Variants in EIPR1 observed in about 807,000 individuals in gnomAD.
EIPR1 encodes the protein EARP complex and GARP complex interacting protein 1.
Under a neutral mutation model 48.1 loss-of-function variants are expected in EIPR1, and 25 were observed. The ratio of observed to expected loss-of-function variants is 0.52; its 90% CI spans 0.38 to 0.73. EIPR1 has a LOEUF of 0.73. Among genes scored for constraint, EIPR1 ranks in the 30% least tolerant of loss-of-function variants. The pLI, the probability that EIPR1 is intolerant of heterozygous loss-of-function variation, is 0.00. For missense variants in EIPR1, 415 were observed against 506.2 expected (o/e 0.82, Z 1.73); for synonymous variants, 204 against 201.9 (o/e 1.01, Z -0.09).
At chr2:3,281,184 CCACTCAACAA>C (rs1460002416) in intron 3 of EIPR1, among the ~76,000 whole-genome samples, 1 of 152,030 alleles carries the variant, frequency 6.6e-6, no homozygotes, top group Non-Finnish European at 1.5e-5. Flanking sequence ...ACACAAACAT[CCACTCAACAA>C]CTTGGAAATC....
At chr2:3,289,269 G>A (rs1291754909) in intron 3 of EIPR1, among the ~76,000 whole-genome samples, 6 of 152,134 alleles carry the variant, frequency 3.9e-5, no homozygotes, top group African/African-American at 1.4e-4. Context: ...CTCTCTGGGT[G>A]ATCCTCCAAA....
chr2:3,291,811 C>T (rs560414873), intron 3 of EIPR1, among the ~76,000 whole-genome samples: 1 of 152,306 alleles, frequency 6.6e-6, no homozygotes, highest in African/African-American at 2.4e-5. Flanking sequence ...ACCTTAGTGC[C>T]GTTTTCCTGA....
chr2:3,326,804 T>C (rs1214180576), intron 3 of EIPR1, among the ~76,000 whole-genome samples: 1 of 151,924 alleles, frequency 6.6e-6, no homozygotes, highest in Admixed American at 6.5e-5. Context: ...AAAAATCCAC[T>C]GTATCTTCCT....
intron 5 of EIPR1, among the ~76,000 whole-genome samples, chr2:3,202,914 T>C (rs1665099518): frequency 6.6e-6 from 1 of 152,238 alleles, no homozygotes; most frequent in African/African-American, 2.4e-5. Context: ...AACAAGTATT[T>C]ATTGAGCAAG....
intron 3 of EIPR1, among the ~76,000 whole-genome samples, chr2:3,307,369 G>A (rs901805621): frequency 7.2e-5 from 11 of 152,146 alleles, no homozygotes; most frequent in Admixed American, 1.3e-4. Context: ...AATGTCTCCC[G>A]GCCCCAAGCC....
intron 3 of EIPR1, among the ~76,000 whole-genome samples, chr2:3,298,909 A>T (rs1668678918): frequency 6.6e-6 from 1 of 152,054 alleles, no homozygotes; most frequent in Non-Finnish European, 1.5e-5. Flanking sequence ...TCCAGGGGAC[A>T]TCGTCTGACT....
At chr2:3,310,419 C>T (rs1422574289) in intron 3 of EIPR1, among the ~76,000 whole-genome samples, 2 of 149,596 alleles carry the variant, frequency 1.3e-5, no homozygotes, top group South Asian at 2.1e-4. Context: ...TTTGGGAGGC[C>T]GAGGTGGGCG....
chr2:3,294,657 A>C (rs1572406111), intron 3 of EIPR1, among the ~76,000 whole-genome samples: 1 of 99,590 alleles, frequency 1.0e-5, no homozygotes, highest in African/African-American at 4.1e-5. Context: ...CTCCAAACAC[A>C]CACCCTCCAT....
intron 3 of EIPR1, among the ~76,000 whole-genome samples, chr2:3,291,480 A>G (rs1668363613): frequency 6.6e-6 from 1 of 152,272 alleles, no homozygotes; most frequent in South Asian, 2.1e-4. Context: ...AGAGATGGTT[A>G]GTTGTTAAAT....
At chr2:3,275,174 C>T (rs1401432623) in intron 3 of EIPR1, among the ~76,000 whole-genome samples, 1 of 151,916 alleles carries the variant, frequency 6.6e-6, no homozygotes, top group Admixed American at 6.6e-5. Flanking sequence ...AAGACATATC[C>T]CTAAAACGTA....
intron 4 of EIPR1, among the ~76,000 whole-genome samples, chr2:3,233,142 G>A (rs1666294861): frequency 6.6e-6 from 1 of 152,086 alleles, no homozygotes; most frequent in Admixed American, 6.5e-5. Flanking sequence ...ACAGTGGTAT[G>A]TATAATACAA....
Position 3,217,292 on chromosome 2 carries a change from C to A in EIPR1, c.417-3044G>T, listed in dbSNP as rs190573420. On this transcript the variant is annotated intron_variant, in intron 4 of 8. Coordinates refer to ENST00000382125, the MANE Select transcript of EIPR1 (RefSeq NM_003310.5). The stretch of plus-strand genomic sequence containing the variant: ...AAGCCATAAGAGCAACACTGTATTA[C>A]AGTTTGTGTAAGGAGCTGTTCTTAG... 1.2e-3 allele frequency among the ~76,000 whole-genome samples: 186 copies of A among 152,332 alleles called. 1 individual carries two copies. Among genetic ancestry groups the A allele is most frequent in the African/African-American group, 4.3e-3 (177 of 41,582 alleles).
intron 1 of EIPR1, among the ~76,000 whole-genome samples, chr2:3,358,838 A>C (rs1670792632): frequency 6.6e-6 from 1 of 152,222 alleles, no homozygotes; most frequent in Non-Finnish European, 1.5e-5. Context: ...CAAGAACCCC[A>C]AGATTTTCAA....
At chr2:3,241,988 A>G (rs1209077088) in intron 4 of EIPR1, among the ~76,000 whole-genome samples, 1 of 152,120 alleles carries the variant, frequency 6.6e-6, no homozygotes, top group African/African-American at 2.4e-5. Context: ...CACAAAATCG[A>G]CTACATTCGA....
chr2:3,295,292 C>A lies in EIPR1; in HGVS notation c.260-37837G>T, dbSNP rs1433243368. ...CACACACACCCTCCATCCAGCCCGTCCTCTCTCCACACACACCCTCCATCC... is the reference window on the plus strand; with the variant it reads ...CACACACACCCTCCATCCAGCCCGTACTCTCTCCACACACACCCTCCATCC... On this transcript the variant is annotated intron_variant, in intron 3 of 8. Coordinates refer to ENST00000382125, the MANE Select transcript of EIPR1 (RefSeq NM_003310.5). Among the ~76,000 whole-genome samples the A allele has an allele frequency of 3.4e-5, 4 of 116,840 alleles. No individual in the cohort carries two copies. In the East Asian group the frequency reaches 1.3e-3, roughly 37 times the overall value. The allele number at this position is 116,840 out of a possible 152,430, so 76.7% of individuals were successfully genotyped here.
At chr2:3,326,574 C>A (rs537223643) in intron 3 of EIPR1, among the ~76,000 whole-genome samples, 1 of 152,198 alleles carries the variant, frequency 6.6e-6, no homozygotes, top group Admixed American at 6.5e-5. Flanking sequence ...CATTCACAAA[C>A]GCCTCCCTGG....
At chr2:3,310,026 T>C (rs1323408977) in intron 3 of EIPR1, among the ~76,000 whole-genome samples, 1 of 152,056 alleles carries the variant, frequency 6.6e-6, no homozygotes, top group Non-Finnish European at 1.5e-5. Flanking sequence ...GTCTCCCCAC[T>C]GCAGACACCA....
rs35565919 is a variant in EIPR1 at position 3,377,792 on chromosome 2, C to T, written c.-103G>A. 3.6e-5 allele frequency: 50 copies of T among 1,390,726 alleles called. No individual in the cohort carries two copies. The highest frequency in any genetic ancestry group is 4.7e-5 in the Non-Finnish European group (48 of 1,013,332). The allele number at this position is 1,390,726 out of a possible 1,614,324, so 86.1% of individuals were successfully genotyped here. ...GCGTGTTCCCAGCGCCCATTCATTCCCTCCCCGCAGCAAACGACTCCAAAC... is the reference window on the plus strand; with the variant it reads ...GCGTGTTCCCAGCGCCCATTCATTCTCTCCCCGCAGCAAACGACTCCAAAC... On this transcript the variant is annotated 5_prime_UTR_variant, in exon 1 of 9. Transcript: ENST00000382125.
At chr2:3,280,323 G>C (rs1037349756) in intron 3 of EIPR1, among the ~76,000 whole-genome samples, 1 of 152,236 alleles carries the variant, frequency 6.6e-6, no homozygotes, top group Non-Finnish European at 1.5e-5. Flanking sequence ...CACGCACACA[G>C]AGGAACTCGG....
Sources: allele counts gnomAD v4.1 joint callset (sites outside exome capture counted in the v4.1 genomes callset), GRCh38; gene constraint gnomAD v4.1.1; transcripts MANE v1.5; gene names NCBI Gene and HGNC (gene_info 2026-07-23, HGNC 2026-07-21).